RBFOX1: variants seen among roughly 807,000 people sequenced by gnomAD.
RBFOX1 encodes the protein RNA binding protein fox-1 homolog 1.
A neutral mutation model predicts 57.7 loss-of-function variants in RBFOX1; 8 were observed. That is an observed-to-expected ratio of 0.14 (90% CI 0.08 to 0.25). The LOEUF (loss-of-function observed/expected upper bound fraction) is 0.25, where lower values mean the gene tolerates loss of function less well. Ranked by LOEUF, RBFOX1 falls within the 10% of genes least tolerant of loss-of-function variation. RBFOX1 has a pLI of 1.00. For missense variants in RBFOX1, 611 were observed against 548.5 expected (o/e 1.11, Z -1.14); for synonymous variants, 326 against 222.4 (o/e 1.47, Z -4.15).
chr16:7,492,084 A>T (rs10492753), intron 4 of RBFOX1, among the ~76,000 whole-genome samples: 1 of 152,168 alleles, frequency 6.6e-6, no homozygotes, highest in Non-Finnish European at 1.5e-5. Context: ...AATTTTCAGC[A>T]TTAAATTTAC....
intron 3 of RBFOX1, among the ~76,000 whole-genome samples, chr16:7,031,430 T>C (rs940183482): frequency 1.3e-5 from 2 of 152,010 alleles, no homozygotes; most frequent in African/African-American, 4.8e-5. Context: ...ACCCCGTCTC[T>C]ACTAAAAATA....
intron 1 of RBFOX1, among the ~76,000 whole-genome samples, chr16:6,306,804 T>C (rs1322253318): frequency 1.3e-5 from 2 of 152,202 alleles, no homozygotes; most frequent in Non-Finnish European, 2.9e-5. Flanking sequence ...TTCTCTGATA[T>C]ACTATGCCTT....
intron 4 of RBFOX1, among the ~76,000 whole-genome samples, chr16:7,310,927 C>A (rs1260636236): frequency 1.3e-5 from 2 of 152,188 alleles, no homozygotes; most frequent in African/African-American, 2.4e-5. Context: ...ATCTTGTGAA[C>A]CATGCATGCA....
intron 4 of RBFOX1, among the ~76,000 whole-genome samples, chr16:7,135,661 G>A (rs1340395014): frequency 2.0e-5 from 3 of 152,200 alleles, no homozygotes; most frequent in African/African-American, 4.8e-5. Flanking sequence ...AGAATATTGA[G>A]GATTAATCGT....
intron 4 of RBFOX1, among the ~76,000 whole-genome samples, chr16:7,218,652 G>C (rs997323089): frequency 1.0e-4 from 15 of 149,388 alleles, no homozygotes; most frequent in African/African-American, 3.4e-4. Flanking sequence ...GTGTGTGTGT[G>C]TGTGTGTGTG....
At chr16:7,448,441 G>A (rs1402152192) in intron 4 of RBFOX1, among the ~76,000 whole-genome samples, 1 of 152,164 alleles carries the variant, frequency 6.6e-6, no homozygotes, top group Non-Finnish European at 1.5e-5. Flanking sequence ...CGTTTTACAT[G>A]GCGGCAGGCA....
chr16:5,363,290 C>A (rs1360653240), intron 1 of RBFOX1, among the ~76,000 whole-genome samples: 1 of 151,986 alleles, frequency 6.6e-6, no homozygotes, highest in Non-Finnish European at 1.5e-5. Context: ...TGTGATCCAC[C>A]TTCCTTGGTC....
chr16:6,408,637 T>C (rs1157641542), intron 2 of RBFOX1, among the ~76,000 whole-genome samples: 1 of 152,148 alleles, frequency 6.6e-6, no homozygotes, highest in East Asian at 1.9e-4. Flanking sequence ...CCAGTTTCTC[T>C]CCTCTTCCCT....
At chr16:5,795,489 G>GA in intron 3 of RBFOX1, among the ~76,000 whole-genome samples, 1 of 152,074 alleles carries the variant, frequency 6.6e-6, no homozygotes, top group East Asian at 1.9e-4. Flanking sequence ...TTTTTGTGGA[G>GA]ATGGGGTATT....
intron 4 of RBFOX1, among the ~76,000 whole-genome samples, chr16:7,281,426 T>C (rs1371214945): frequency 1.3e-5 from 2 of 152,024 alleles, no homozygotes; most frequent in African/African-American, 2.4e-5. Context: ...CTTGCCTGCT[T>C]TGTACTTTAG....
chr16:5,332,495 C>G (rs573548621), intron 1 of RBFOX1, among the ~76,000 whole-genome samples: 2 of 152,176 alleles, frequency 1.3e-5, no homozygotes, highest in African/African-American at 4.8e-5. Context: ...AACTTCTGGC[C>G]TCATGTGATC....
chr16:5,425,756 C>T (rs2067540022), intron 1 of RBFOX1, among the ~76,000 whole-genome samples: 1 of 152,152 alleles, frequency 6.6e-6, no homozygotes, highest in Non-Finnish European at 1.5e-5. Flanking sequence ...CCACACTGTC[C>T]TCAGGTTCCC....
At chr16:5,246,901 G>A (rs1487228025) in intron 1 of RBFOX1, among the ~76,000 whole-genome samples, 1 of 152,028 alleles carries the variant, frequency 6.6e-6, no homozygotes, top group African/African-American at 2.4e-5. Context: ...GAACTCCTGG[G>A]CTCAAGCAAT....
intron 4 of RBFOX1, among the ~76,000 whole-genome samples, chr16:5,898,273 G>A (rs939796919): frequency 6.6e-6 from 1 of 152,138 alleles, no homozygotes; most frequent in Admixed American, 6.6e-5. Context: ...GACACGTGGG[G>A]TTTATGGGAA....
chr16:7,287,641 A>C (rs2095676172), intron 4 of RBFOX1, among the ~76,000 whole-genome samples: 1 of 152,296 alleles, frequency 6.6e-6, no homozygotes, highest in Non-Finnish European at 1.5e-5. Context: ...ATTATTAAAA[A>C]CTTGGATTGA....
chr16:7,704,853 C>G (rs535817022), intron 14 of RBFOX1, among the ~76,000 whole-genome samples: 3 of 150,608 alleles, frequency 2.0e-5, no homozygotes, highest in East Asian at 4.0e-4. Context: ...GAGTTTGAGA[C>G]CAGCCTGGGC....
At chr16:5,469,953 A>G (rs543632436) in intron 2 of RBFOX1, among the ~76,000 whole-genome samples, 32 of 152,342 alleles carry the variant, frequency 2.1e-4, no homozygotes, top group Non-Finnish European at 4.1e-4. Flanking sequence ...GTGTGCCACC[A>G]TAAACATTTG....
chr16:5,539,783 G>A (rs757241098), intron 2 of RBFOX1, among the ~76,000 whole-genome samples: 1 of 152,136 alleles, frequency 6.6e-6, no homozygotes, highest in Non-Finnish European at 1.5e-5. Flanking sequence ...CTGCTTAGAT[G>A]CCTATTTTTT....
intron 3 of RBFOX1, among the ~76,000 whole-genome samples, chr16:6,926,660 A>T (rs1047275512): frequency 3.3e-5 from 5 of 152,150 alleles, no homozygotes; most frequent in African/African-American, 1.2e-4. Context: ...CGGGCTGAGT[A>T]AACATATGTG....
Sources: gnomAD v4.1 joint callset for allele counts (sites outside exome capture counted in the v4.1 genomes callset) on GRCh38, gnomAD v4.1.1 for gene constraint, MANE v1.5 for transcripts, NCBI Gene and HGNC (gene_info 2026-07-23, HGNC 2026-07-21) for gene names.